Variants in DRD1 observed in about 807,000 individuals in gnomAD.
DRD1 encodes dopamine receptor D1.
DRD1 carries 2 observed loss-of-function variants against 23.8 expected under a neutral mutation model. That is an observed-to-expected ratio of 0.08 (90% CI 0.03 to 0.26). The LOEUF (loss-of-function observed/expected upper bound fraction) is 0.26, where lower values mean the gene tolerates loss of function less well. DRD1 is among the 10% of genes least tolerant of loss of function. The pLI is 1.00. For missense variants in DRD1, 376 were observed against 559.0 expected, an observed-to-expected ratio of 0.67 and a Z score of 3.30; for synonymous variants, 218 against 225.7, an observed-to-expected ratio of 0.97 and a Z score of 0.30.
chr5:175,442,631 T>C lies in DRD1; in HGVS notation c.469A>G (p.Ile157Val). ...TTGTGCCAGCTGAGCTGCACTGGGA[T>C]GAAGGAGATGAGTACAGACAAGGTC... ...AWTLSVLISF[I>V]PVQLSWHKAK... Residue 157 changes from isoleucine (I) to valine (V), a missense_variant, in exon 2 of 2, where the codon ATC becomes GTC. Physicochemically the swap from Ile to Val is conservative, Grantham distance 29. Around this residue, in one of 5 missense-constraint regions of DRD1, gnomAD observed 121 missense variants for 239.4 expected, o/e 0.51. Transcript: ENST00000393752. This position sits in a 1 kb window ranked among gnomAD's most constrained non-coding sequence, Gnocchi z 7.3. 1 of 1,613,646 alleles carries C rather than the reference T, an allele frequency of 6.2e-7. No individual in the cohort carries two copies. Among genetic ancestry groups the C allele is most frequent in the Non-Finnish European group, 8.5e-7 (1 of 1,179,928 alleles).
In DRD1 at chr5:175,440,149, A is replaced by G. The variant is rs1057336234; in HGVS notation, c.*1610T>C. On this transcript the variant is annotated 3_prime_UTR_variant, in exon 2 of 2. Transcript: ENST00000393752. Reference sequence around the variant, plus strand: ...ACCTGATGCAGGAGATATTTTTCAGATTTTTTTTTCTTTTCACGGATTGCA... The same window carrying G: ...ACCTGATGCAGGAGATATTTTTCAGGTTTTTTTTTCTTTTCACGGATTGCA... 2 of 151,828 alleles carry G rather than the reference A, an allele frequency of 1.3e-5. No individual in the cohort carries two copies. The highest frequency in any genetic ancestry group is 4.8e-5 in the African/African-American group (2 of 41,332). 9.4% of individuals were successfully genotyped at this position (151,828 alleles called of 1,614,324 possible). A position where few individuals can be genotyped will look rare whatever the true frequency, so the allele number is the denominator to read the frequency against.
In DRD1 at chr5:175,440,729, C is replaced by A. The variant is rs1758505900; in HGVS notation, c.*1030G>T. The A allele has an allele frequency of 2.0e-5, 3 of 152,622 alleles. No individual in the cohort carries two copies. Among genetic ancestry groups the A allele is most frequent in the Admixed American group, 2.0e-4 (3 of 15,282 alleles). The allele number at this position is 152,622 out of a possible 1,614,324, so 9.5% of individuals were successfully genotyped here. On this transcript the variant is annotated 3_prime_UTR_variant, in exon 2 of 2. Coordinates refer to ENST00000393752, the MANE Select transcript of DRD1 (RefSeq NM_000794.5). ...AAGATGGAGAGGGCCAATTATTTTA[C>A]ATAAATACAAAGCAGCATATACTTT...
In DRD1 at chr5:175,443,045, C is replaced by A; in HGVS notation, c.55G>T (p.Asp19Tyr). The part of the protein sequence containing the change: ...MDGTGLVVER[D>Y]FSVRILTACF... ...GCAGTGAGGATACGAACAGAGAAGTCCCTCTCCACCACCAGCCCAGTCCCG... is the reference window on the plus strand; with the variant it reads ...GCAGTGAGGATACGAACAGAGAAGTACCTCTCCACCACCAGCCCAGTCCCG... The change falls in exon 2 of 2, where the codon GAC becomes TAC. Residue 19 changes from aspartate (D) to tyrosine (Y), a missense_variant. Transcript: ENST00000393752. 1 of 1,614,160 alleles carries A rather than the reference C, an allele frequency of 6.2e-7. No individual in the cohort carries two copies. The highest frequency in any genetic ancestry group is 1.1e-5 in the South Asian group (1 of 91,084).
At position 175,441,974 on chromosome 5, in the gene DRD1, C is replaced by T. The variant is rs2113206618; in HGVS notation, c.1126G>A (p.Glu376Lys). 2 of 1,614,160 alleles carry T rather than the reference C, an allele frequency of 1.2e-6. No homozygotes were observed. The highest frequency in any genetic ancestry group is 1.7e-6 in the Non-Finnish European group (2 of 1,180,046). ...NGAAMFSSHH[E>K]PRGSISKECN... The stretch of plus-strand genomic sequence containing the variant: ...TCCTTGGAGATGGAGCCTCGTGGCT[C>T]ATGATGGCTGGAAAACATCGCGGCC... Residue 376 changes from glutamate (E) to lysine (K), a missense_variant, in exon 2 of 2, where the codon GAG becomes AAG. Glu to Lys is a moderately conservative substitution (Grantham distance 56). Transcript: ENST00000393752.
At position 175,442,884 on chromosome 5, in the gene DRD1, C is replaced by A; in HGVS notation, c.216G>T (p.Leu72Phe). The A allele has an allele frequency of 6.2e-7, 1 of 1,614,076 alleles. No individual in the cohort carries two copies. The highest frequency in any genetic ancestry group is 8.5e-7 in the Non-Finnish European group (1 of 1,180,006). Residue 72 changes from leucine (L) to phenylalanine (F), a missense_variant, in exon 2 of 2, where the codon TTG becomes TTT. Physicochemically the swap from Leu to Phe is conservative, Grantham distance 22 (BLOSUM62 0). Coordinates refer to ENST00000393752, the MANE Select transcript of DRD1 (RefSeq NM_000794.5). This position sits in a 1 kb window ranked among gnomAD's most constrained non-coding sequence, Gnocchi z 7.3. ...FVISLAVSDLLVAVLVMPWKA... is the reference protein window; with the variant it reads ...FVISLAVSDLFVAVLVMPWKA... Reference sequence around the variant, plus strand: ...TCCAGGGCATGACCAGGACGGCCACCAAGAGATCTGACACAGCCAAGGAGA... The same window carrying A: ...TCCAGGGCATGACCAGGACGGCCACAAAGAGATCTGACACAGCCAAGGAGA...
Position 175,442,241 on chromosome 5 carries a change from G to A in DRD1, c.859C>T (p.Pro287Ser). 6.2e-7 allele frequency: 1 copy of A among 1,614,090 alleles called. No homozygotes were observed. The highest frequency in any genetic ancestry group is 8.5e-7 in the Non-Finnish European group (1 of 1,180,020). The change falls in exon 2 of 2, where the codon CCT becomes TCT. Residue 287 changes from proline to serine, a missense_variant. Coordinates refer to ENST00000393752, the MANE Select transcript of DRD1 (RefSeq NM_000794.5). This position sits in a 1 kb window ranked among gnomAD's most constrained non-coding sequence, Gnocchi z 7.3. ...IMGVFVCCWL[P>S]FFILNCILPF... is the part of the protein sequence containing the mutation. ...AAAATGCAGTTCAAGATGAAGAAAG[G>A]TAGCCAACAGCACACAAACACACCC...
chr5:175,442,054 C>G lies in DRD1; in HGVS notation c.1046G>C (p.Arg349Thr), dbSNP rs768398169. ...GGCATTATTCGTCGCAGGGCAAAGT[C>G]TGTAGCATCCTAAGAGGGTTGAAAA... ...KAFSTLLGCY[R>T]LCPATNNAIE... The change falls in exon 2 of 2, where the codon AGA becomes ACA. Residue 349 changes from arginine to threonine, a missense_variant. Physicochemically the swap from Arg to Thr is moderately conservative, Grantham distance 71. Transcript: ENST00000393752. The surrounding 1 kb of genome is among the most constrained non-coding windows in gnomAD (Gnocchi z 7.3). 9 of 1,614,136 alleles carry G rather than the reference C, an allele frequency of 5.6e-6. No homozygotes were observed. The highest frequency in any genetic ancestry group is 1.3e-5 in the African/African-American group (1 of 75,026).
In DRD1 at chr5:175,442,538, A is replaced by T. The variant is rs374427471; in HGVS notation, c.562T>A (p.Ser188Thr). The T allele has an allele frequency of 6.2e-7, 1 of 1,614,192 alleles. No individual in the cohort carries two copies. Among genetic ancestry groups the T allele is most frequent in the Non-Finnish European group, 8.5e-7 (1 of 1,180,036 alleles). Residue 188 changes from serine (S) to threonine (T), a missense_variant, in exon 2 of 2, where the codon TCC (serine) becomes ACC (threonine). Ser to Thr is a moderately conservative substitution (Grantham distance 58). Coordinates refer to ENST00000393752, the MANE Select transcript of DRD1 (RefSeq NM_000794.5). This position sits in a 1 kb window ranked among gnomAD's most constrained non-coding sequence, Gnocchi z 7.3. ...SLAETIDNCDSSLSRTYAISS... is the reference protein window; with the variant it reads ...SLAETIDNCDTSLSRTYAISS... ...ATGGCATATGTCCTGCTGAGGCTGG[A>T]GTCACAGTTGTCTATGGTCTCAGCC...
At position 175,443,008 on chromosome 5, in the gene DRD1, G is replaced by A. The variant is rs1431381197; in HGVS notation, c.92C>T (p.Ser31Leu). 2.5e-6 allele frequency: 4 copies of A among 1,614,132 alleles called. No individual in the cohort carries two copies. Among genetic ancestry groups the A allele is most frequent in the Admixed American group, 3.3e-5 (2 of 60,020 alleles). Residue 31 changes from serine to leucine, a missense_variant, in exon 2 of 2, where the codon TCG (serine) becomes TTG (leucine). Ser to Leu is a moderately radical substitution (Grantham distance 145, BLOSUM62 -2). Around this residue, in one of 5 missense-constraint regions of DRD1, gnomAD observed 47 missense variants for 39.4 expected, o/e 1.19. Coordinates refer to ENST00000393752, the MANE Select transcript of DRD1 (RefSeq NM_000794.5). Reference protein sequence around the residue: ...SVRILTACFLSLLILSTLLGN... With the variant: ...SVRILTACFLLLLILSTLLGN... ...CAGGAGCGTGGACAGGATGAGCAGC[G>A]ACAGGAAACAGGCAGTGAGGATACG... is the stretch of plus-strand genomic sequence containing the variant.
chr5:175,443,656 C>A (rs370742648), intron 1 of DRD1, 43 bp downstream of exon 1: 1 of 157,818 alleles, frequency 6.3e-6, no homozygotes, highest in Non-Finnish European at 1.4e-5. Context: ...CACGTCAAGC[C>A]CAACCTAATA....
In DRD1 at chr5:175,443,512, T is replaced by C; in HGVS notation, c.-413A>G. 1 of 201,724 alleles carries C rather than the reference T, an allele frequency of 5.0e-6. No individual in the cohort carries two copies. The highest frequency in any genetic ancestry group is 1.3e-4 in the South Asian group (1 of 7,914). The allele number at this position is 201,724 out of a possible 1,614,324, so 12.5% of individuals were successfully genotyped here. A position where few individuals can be genotyped will look rare whatever the true frequency, so the allele number is the denominator to read the frequency against. ...GTGGTGACAGGAGATTCTCCCCTTC[T>C]GAGACTCAGCTGAAAATACATGTCT... On this transcript the variant is annotated 5_prime_UTR_variant, in exon 2 of 2. Transcript: ENST00000393752.
rs550974788 is a variant in DRD1, at chr5:175,441,554, A to G, written c.*205T>C. On this transcript the variant is annotated 3_prime_UTR_variant, in exon 2 of 2. Transcript: ENST00000393752. ...GTCCCTTATGGCTCCCCATGTTTGT[A>G]GTGTCCCTGTTTGATTGACTATGAA... 3 of 525,404 alleles carry G rather than the reference A, an allele frequency of 5.7e-6. No individual in the cohort carries two copies. The highest frequency in any genetic ancestry group is 1.9e-5 in the African/African-American group (1 of 52,786). 32.5% of individuals were successfully genotyped at this position (525,404 alleles called of 1,614,324 possible). A position where few individuals can be genotyped will look rare whatever the true frequency, so the allele number is the denominator to read the frequency against.
rs1205585508 is a variant in DRD1, at chr5:175,440,558, T to A, written c.*1201A>T. The A allele has an allele frequency of 6.6e-6, 1 of 152,618 alleles. No individual in the cohort carries two copies. Among genetic ancestry groups the A allele is most frequent in the Admixed American group, 6.5e-5 (1 of 15,274 alleles). 9.5% of individuals were successfully genotyped at this position (152,618 alleles called of 1,614,324 possible). ...ATAAAAAGTAGCCCCACTGACTGGTTTGGTTTGACCTGGTAAGATGGAAAT... is the reference window on the plus strand; with the variant it reads ...ATAAAAAGTAGCCCCACTGACTGGTATGGTTTGACCTGGTAAGATGGAAAT... On this transcript the variant is annotated 3_prime_UTR_variant, in exon 2 of 2. Transcript: ENST00000393752.
rs187504751 is a variant in DRD1, at chr5:175,441,873, G to A, written c.1227C>T (p.Ile409=). The change falls in exon 2 of 2, where the codon ATC becomes ATT. Residue 409 remains isoleucine, a synonymous_variant. Coordinates refer to ENST00000393752, the MANE Select transcript of DRD1 (RefSeq NM_000794.5). ...GGGACAGCTTCTCCAAGGGTCTGGC[G>A]ATGCCAGCTGCCTCCTCCTTTTTCA... ...EDLKKEEAAG[I]ARPLEKLSPA... 2.3e-5 allele frequency: 37 copies of A among 1,614,120 alleles called. No individual in the cohort carries two copies. In the East Asian group the frequency reaches 5.6e-4, roughly 24 times the overall value.
In DRD1 at chr5:175,441,739, G is replaced by A; in HGVS notation, c.*20C>T. 1 of 1,544,922 alleles carries A rather than the reference G, an allele frequency of 6.5e-7. No individual in the cohort carries two copies. The highest frequency in any genetic ancestry group is 8.7e-7 in the Non-Finnish European group (1 of 1,147,396). ...TCTAGCTTTTGGGATGAGCATGTGTGGCAGGATTCATCTGCGAGTTCAGGT... is the reference window on the plus strand; with the variant it reads ...TCTAGCTTTTGGGATGAGCATGTGTAGCAGGATTCATCTGCGAGTTCAGGT... On this transcript the variant is annotated 3_prime_UTR_variant, in exon 2 of 2. Coordinates refer to ENST00000393752, the MANE Select transcript of DRD1 (RefSeq NM_000794.5).
Position 175,442,915 on chromosome 5 carries a change from A to T in DRD1, c.185T>A (p.Phe62Tyr). The T allele has an allele frequency of 6.2e-7, 1 of 1,613,976 alleles. No individual in the cohort carries two copies. The highest frequency in any genetic ancestry group is 8.5e-7 in the Non-Finnish European group (1 of 1,180,002). ...RHLRSKVTNF[F>Y]VISLAVSDLL... ...ATCTGACACAGCCAAGGAGATGACAAAGAAGTTGGTCACCTTGGACCGCAG... is the reference window on the plus strand; with the variant it reads ...ATCTGACACAGCCAAGGAGATGACATAGAAGTTGGTCACCTTGGACCGCAG... Residue 62 changes from phenylalanine (F) to tyrosine (Y), a missense_variant, in exon 2 of 2, where the codon TTT becomes TAT. Physicochemically the swap from Phe to Tyr is conservative, Grantham distance 22. Transcript: ENST00000393752. This position sits in a 1 kb window ranked among gnomAD's most constrained non-coding sequence, Gnocchi z 7.3.
Position 175,442,003 on chromosome 5 carries a change from T to C in DRD1, c.1097A>G (p.Asn366Ser). The part of the protein sequence containing the change: ...NAIETVSINN[N>S]GAAMFSSHHE... ...ATGGCTGGAAAACATCGCGGCCCCA[T>C]TGTTATTGATACTCACCGTCTCTAT... The change falls in exon 2 of 2, where the codon AAT (asparagine) becomes AGT (serine). Residue 366 changes from asparagine (N) to serine (S), a missense_variant. Asn to Ser is a conservative substitution (Grantham distance 46). Coordinates refer to ENST00000393752, the MANE Select transcript of DRD1 (RefSeq NM_000794.5). The surrounding 1 kb of genome is among the most constrained non-coding windows in gnomAD (Gnocchi z 7.3). The C allele has an allele frequency of 1.2e-6, 2 of 1,614,176 alleles. No homozygotes were observed. Among genetic ancestry groups the C allele is most frequent in the Non-Finnish European group, 8.5e-7 (1 of 1,180,022 alleles).
Position 175,443,570 on chromosome 5 carries a change from G to A in DRD1, c.-471C>T. Reference sequence around the variant, plus strand: ...CCTCCAAGCCCCTGGCTCCTCAGCAGCTCTCCAAACGCCTTAAAAAGCAAA... The same window carrying A: ...CCTCCAAGCCCCTGGCTCCTCAGCAACTCTCCAAACGCCTTAAAAAGCAAA... On this transcript the variant is annotated 5_prime_UTR_variant, in exon 2 of 2. Coordinates refer to ENST00000393752, the MANE Select transcript of DRD1 (RefSeq NM_000794.5). 1 of 180,680 alleles carries A rather than the reference G, an allele frequency of 5.5e-6. No individual in the cohort carries two copies. Among genetic ancestry groups the A allele is most frequent in the Non-Finnish European group, 1.3e-5 (1 of 75,916 alleles). The allele number at this position is 180,680 out of a possible 1,614,324, so 11.2% of individuals were successfully genotyped here.
In DRD1 at chr5:175,440,914, T is replaced by C. The variant is rs1758508295; in HGVS notation, c.*845A>G. On this transcript the variant is annotated 3_prime_UTR_variant, in exon 2 of 2. Coordinates refer to ENST00000393752, the MANE Select transcript of DRD1 (RefSeq NM_000794.5). ...ATACTTTTTTAAATTTTTCAAAATC[T>C]TTTCAGAAAAAGAAAGCATTTATAG... 6.6e-6 allele frequency: 1 copy of C among 152,544 alleles called. No homozygotes were observed. Among genetic ancestry groups the C allele is most frequent in the Admixed American group, 6.5e-5 (1 of 15,272 alleles). 9.4% of individuals were successfully genotyped at this position (152,544 alleles called of 1,614,324 possible).
Sources: allele counts gnomAD v4.1 joint callset, GRCh38; gene constraint gnomAD v4.1.1; regional missense constraint gnomAD v4.1.1; non-coding constraint Gnocchi (gnomAD v3.1); transcripts MANE v1.5; gene names NCBI Gene and HGNC (gene_info 2026-07-23, HGNC 2026-07-21).